Variants in NUP160 observed in about 807,000 individuals in gnomAD.
The protein encoded by NUP160 is nuclear pore complex protein Nup160.
A neutral mutation model predicts 196.9 loss-of-function variants in NUP160; 94 were observed. That is an observed-to-expected ratio of 0.48 (90% CI 0.40 to 0.57). The LOEUF (loss-of-function observed/expected upper bound fraction) is 0.57, where lower values mean the gene tolerates loss of function less well. NUP160 is among the 20% of genes least tolerant of loss of function. The pLI, the probability that NUP160 is intolerant of heterozygous loss-of-function variation, is 0.00. For missense variants in NUP160, 1,638 were observed against 1,748.3 expected, an observed-to-expected ratio of 0.94 and a Z score of 1.13; for synonymous variants, 605 against 619.7, an observed-to-expected ratio of 0.98 and a Z score of 0.35.
At chr11:47,779,680 A>T (rs895208379) in intron 35 of NUP160, 1 of 465,768 alleles carries the variant, frequency 2.1e-6, no homozygotes, top group African/African-American at 2.0e-5. Context: ...ATGTTGTTAT[A>T]TATGCCAACT....
chr11:47,788,727 T>C (rs1025913614), intron 29 of NUP160, 116 bp from the exon 30 acceptor site: 3 of 660,572 alleles, frequency 4.5e-6, no homozygotes, highest in Non-Finnish European at 2.6e-6. Context: ...AATTTCCAAA[T>C]GCATGAAGGA....
chr11:47,847,822 GGA>G (rs1365430066), intron 2 of NUP160, 24 bp downstream of exon 2: 1 of 1,507,458 alleles, frequency 6.6e-7, no homozygotes, highest in East Asian at 2.3e-5. Flanking sequence ...ACCTTCCAGG[GGA>G]GTTTGGCGAA....
At position 47,785,098 on chromosome 11, in the gene NUP160, A is replaced by T. The variant is rs1478868067; in HGVS notation, c.3849-35T>A. 6 of 1,137,404 alleles carry T rather than the reference A, an allele frequency of 5.3e-6. No homozygotes were observed. The Admixed American group carries it at 1.1e-4, about 22-fold the overall frequency. 70.5% of individuals were successfully genotyped at this position (1,137,404 alleles called of 1,614,324 possible). On this transcript the variant is annotated intron_variant, in intron 32 of 35. Transcript: ENST00000378460. ...AACAAAAATGACTAATGAGTTTCAG[A>T]TTCTTAATAGCTATTTAGAGTACCA...
At chr11:47,792,065 C>T (rs1281274056) in intron 28 of NUP160, 75 bp from the exon 29 acceptor site, 1 of 994,458 alleles carries the variant, frequency 1.0e-6, no homozygotes, top group Non-Finnish European at 1.5e-6. Flanking sequence ...TGATTCATAG[C>T]TTTTATGCTT....
intron 27 of NUP160, among the ~76,000 whole-genome samples, chr11:47,793,181 G>A (rs2097668899): frequency 6.6e-6 from 1 of 151,906 alleles, no homozygotes; most frequent in Admixed American, 6.6e-5. Flanking sequence ...AGAGAGTTTA[G>A]TAGAGAGTTT....
intron 11 of NUP160, among the ~76,000 whole-genome samples, chr11:47,816,380 T>A (rs567829525): frequency 3.7e-4 from 56 of 152,356 alleles, no homozygotes; most frequent in East Asian, 1.2e-3. Flanking sequence ...AAGGCATTTC[T>A]GTTTTATGTG....
In NUP160 at chr11:47,841,256, G is replaced by A. The variant is rs530608626; in HGVS notation, c.315-668C>T. On this transcript the variant is annotated intron_variant, in intron 2 of 35. Transcript: ENST00000378460. ...AGCTTGTTTATTAATCCCAGCTGAG[G>A]AGCAAGGAGCCACTGGCAGCCACAG... 372 of 258,138 alleles carry A rather than the reference G, an allele frequency of 1.4e-3. 1 individual carries two copies. Among genetic ancestry groups the A allele is most frequent in the African/African-American group, 7.9e-3 (348 of 43,996 alleles). 16.0% of individuals were successfully genotyped at this position (258,138 alleles called of 1,614,324 possible).
chr11:47,817,958 ACATT>A (rs1851771839), intron 11 of NUP160, 94 bp downstream of exon 11: 1 of 640,952 alleles, frequency 1.6e-6, no homozygotes, highest in Non-Finnish European at 2.8e-6. Flanking sequence ...ATACAGAAGT[ACATT>A]CAGTGTTTAA....
intron 35 of NUP160, 89 bp downstream of exon 35, chr11:47,780,254 C>CT: frequency 1.1e-6 from 1 of 941,622 alleles, no homozygotes; most frequent in Non-Finnish European, 1.7e-6. Context: ...TCTTCCCTTT[C>CT]TAATCCCGGA....
intron 7 of NUP160, 147 bp downstream of exon 7, chr11:47,835,504 T>C (rs1356408911): frequency 6.0e-6 from 3 of 503,186 alleles, no homozygotes; most frequent in Non-Finnish European, 6.7e-6. Flanking sequence ...GATCTTCTAA[T>C]TCACATAGTA....
At chr11:47,793,374 C>T (rs945032145) in intron 27 of NUP160, among the ~76,000 whole-genome samples, 16 of 151,886 alleles carry the variant, frequency 1.1e-4, no homozygotes, top group Non-Finnish European at 1.9e-4. Flanking sequence ...TTTGATGTAA[C>T]CCCTGCCCCC....
chr11:47,785,799 A>C (rs1301782497), intron 32 of NUP160, among the ~76,000 whole-genome samples: 1 of 152,178 alleles, frequency 6.6e-6, no homozygotes, highest in Non-Finnish European at 1.5e-5. Context: ...CTGATGTGCT[A>C]ATTTAGGGGT....
At chr11:47,829,824 C>T (rs34128973) in intron 7 of NUP160, among the ~76,000 whole-genome samples, 41,951 of 152,022 alleles carry the variant, frequency 0.28, 6,791 homozygotes, top group Middle Eastern at 0.38. Context: ...GATTTCAAGA[C>T]GAAGACACTA....
exon 15 of NUP160, chr11:47,812,995 A>C: frequency 6.2e-7 from 1 of 1,612,838 alleles, no homozygotes. Context: ...CTGACTCTTC[A>C]ATCAGCCGGA....
chr11:47,811,882 T>C (rs1256199060), intron 17 of NUP160, among the ~76,000 whole-genome samples, 182 bp downstream of exon 17: 2 of 152,192 alleles, frequency 1.3e-5, no homozygotes, highest in Non-Finnish European at 2.9e-5. Context: ...AGGATTACAA[T>C]GCTTATTCAT....
chr11:47,792,692 G>A (rs1056358711), intron 28 of NUP160, 94 bp downstream of exon 28: 25 of 1,188,808 alleles, frequency 2.1e-5, no homozygotes, highest in Non-Finnish European at 2.8e-5. Context: ...ATCAAAAGAA[G>A]CAAAATGACA....
At chr11:47,792,601 GAA>G (rs1200354513) in intron 28 of NUP160, 183 bp downstream of exon 28, 2 of 560,450 alleles carry the variant, frequency 3.6e-6, no homozygotes, top group Non-Finnish European at 6.0e-6. Context: ...TTCTGAACTT[GAA>G]AACTAAAGGG....
chr11:47,788,530 T>C (rs1372425448), exon 30 of NUP160: 3 of 1,613,970 alleles, frequency 1.9e-6, no homozygotes, highest in Admixed American at 1.7e-5. Flanking sequence ...TGGATCATGC[T>C]GAGCCAAAGT....
At chr11:47,817,045 G>A (rs905786832) in intron 11 of NUP160, among the ~76,000 whole-genome samples, 7 of 150,886 alleles carry the variant, frequency 4.6e-5, no homozygotes, top group African/African-American at 1.5e-4. Flanking sequence ...GCATGATCAA[G>A]GCTCACCATA....
Sources: gnomAD v4.1 joint callset for allele counts (sites outside exome capture counted in the v4.1 genomes callset) on GRCh38, gnomAD v4.1.1 for gene constraint, MANE v1.5 for transcripts, NCBI Gene and HGNC (gene_info 2026-07-23, HGNC 2026-07-21) for gene names.